Variants in LRTM3 observed in about 807,000 individuals in gnomAD.
LRTM3 encodes the protein leucine-rich repeat transmembrane protein 3.
At chr13:102,753,921 C>T in the LRTM3 span, among the ~76,000 whole-genome samples, 2 of 152,190 alleles carry the variant, frequency 1.3e-5, no homozygotes, top group Admixed American at 6.5e-5. Context: ...TAAGAAAATG[C>T]TGAAGCAGGC....
chr13:102,750,899 G>A, the LRTM3 span, among the ~76,000 whole-genome samples: 2 of 152,170 alleles, frequency 1.3e-5, no homozygotes, highest in African/African-American at 4.8e-5. Context: ...CCGGAGTACT[G>A]ATCATGGATG....
At chr13:102,744,989 G>C in the LRTM3 span, 3 of 1,550,600 alleles carry the variant, frequency 1.9e-6, no homozygotes, top group African/African-American at 4.1e-5. Context: ...TGAGTCCTCT[G>C]ATTTTAGAGG....
chr13:102,735,563 G>C, the LRTM3 span: 5 of 1,550,840 alleles, frequency 3.2e-6, no homozygotes, highest in Non-Finnish European at 3.5e-6. Context: ...CAATTTTTTG[G>C]TATTGAGTAT....
chr13:102,744,903 T>C, the LRTM3 span: 1 of 1,550,684 alleles, frequency 6.4e-7, no homozygotes, highest in African/African-American at 1.4e-5. Context: ...TTACCTGAAT[T>C]GTGCTGTTCC....
At chr13:102,732,621 T>A in the LRTM3 span, 1 of 1,551,054 alleles carries the variant, frequency 6.4e-7, no homozygotes, top group Non-Finnish European at 8.7e-7. Context: ...TCCCTATGAG[T>A]GATGACTTGA....
At chr13:102,729,723 G>A in the LRTM3 span, 12 of 1,551,838 alleles carry the variant, frequency 7.7e-6, no homozygotes, top group East Asian at 2.2e-4. Flanking sequence ...GCTGATTTAT[G>A]TTTGCTTTGG....
chr13:102,735,048 T>C, the LRTM3 span: 2 of 1,551,238 alleles, frequency 1.3e-6, no homozygotes, highest in South Asian at 2.4e-5. Flanking sequence ...TGAAACCCTG[T>C]ATTCACATTA....
the LRTM3 span, chr13:102,749,585 A>G: frequency 6.4e-7 from 1 of 1,551,426 alleles, no homozygotes; most frequent in Non-Finnish European, 8.7e-7. Flanking sequence ...TGGAACTTCA[A>G]CAAAATGTTG....
the LRTM3 span, chr13:102,737,873 G>T: frequency 6.4e-7 from 1 of 1,550,678 alleles, no homozygotes; most frequent in South Asian, 1.2e-5. Context: ...GGTTAGAGAA[G>T]AATTGGAAGG....
At chr13:102,738,713 A>G in the LRTM3 span, 2 of 1,550,680 alleles carry the variant, frequency 1.3e-6, no homozygotes, top group Non-Finnish European at 1.7e-6. Context: ...TCTCATTTTT[A>G]TTCTCATGGC....
chr13:102,741,345 A>T, the LRTM3 span: 1 of 1,549,400 alleles, frequency 6.5e-7, no homozygotes, highest in Non-Finnish European at 8.7e-7. Context: ...AAAGATTCAG[A>T]ATCCAGAATA....
At chr13:102,732,907 T>A in the LRTM3 span, 4 of 1,551,356 alleles carry the variant, frequency 2.6e-6, no homozygotes, top group African/African-American at 5.5e-5. Flanking sequence ...GATCCCCTGA[T>A]TGAAATTGAA....
the LRTM3 span, chr13:102,729,467 G>C: frequency 6.9e-7 from 1 of 1,455,708 alleles, no homozygotes; most frequent in Non-Finnish European, 9.1e-7. Context: ...ATGAAAAACG[G>C]TAGTAAGGGA....
the LRTM3 span, chr13:102,732,969 C>G: frequency 6.4e-7 from 1 of 1,551,416 alleles, no homozygotes; most frequent in Non-Finnish European, 8.7e-7. Context: ...ACACCTTCCT[C>G]TTGTTCTGAA....
the LRTM3 span, among the ~76,000 whole-genome samples, chr13:102,753,116 A>T: frequency 1.3e-5 from 2 of 152,234 alleles, no homozygotes; most frequent in East Asian, 3.8e-4. Flanking sequence ...TGTGGCACAT[A>T]TACACCATGG....
At chr13:102,756,311 GA>G in the LRTM3 span, among the ~76,000 whole-genome samples, 60,453 of 136,626 alleles carry the variant, frequency 0.44, 13,469 homozygotes, top group Non-Finnish European at 0.51. Flanking sequence ...TCCTTAGTTC[GA>G]AAAAAAAAAA....
At chr13:102,734,394 A>G in the LRTM3 span, 1 of 1,551,316 alleles carries the variant, frequency 6.4e-7, no homozygotes, top group Admixed American at 2.0e-5. Context: ...TTAGATGGCA[A>G]AGGTTTGGAA....
the LRTM3 span, chr13:102,736,460 A>T: frequency 6.4e-7 from 1 of 1,551,124 alleles, no homozygotes; most frequent in Middle Eastern, 1.7e-4. Flanking sequence ...TTTCTTTACA[A>T]GGCTCTCTGT....
the LRTM3 span, chr13:102,740,531 C>CCTGTTTTGAGTAAGTCTTGTCTTTTTTTA: frequency 6.5e-7 from 1 of 1,549,508 alleles, no homozygotes; most frequent in Non-Finnish European, 8.7e-7. Context: ...CCATTTTTGG[C>CCTGTTTTGAGTAAGTCTTGTCTTTTTTTA]CTGTTTTGAG....
Sources: allele counts gnomAD v4.1 joint callset (sites outside exome capture counted in the v4.1 genomes callset), GRCh38; gene constraint gnomAD v4.1.1; transcripts MANE v1.5; gene names NCBI Gene and HGNC (gene_info 2026-07-23, HGNC 2026-07-21).